ADAM10: variants seen among roughly 807,000 people sequenced by gnomAD.
ADAM10 encodes ADAM metallopeptidase domain 10.
ADAM10 carries 17 observed loss-of-function variants against 90.1 expected under a neutral mutation model. That is an observed-to-expected ratio of 0.19 (90% CI 0.13 to 0.28). The LOEUF is 0.28. Among genes scored for constraint, ADAM10 ranks in the 10% least tolerant of loss-of-function variants. The pLI is 1.00. For missense variants in ADAM10, 610 were observed against 914.3 expected, an observed-to-expected ratio of 0.67 and a Z score of 4.29; for synonymous variants, 310 against 298.6, an observed-to-expected ratio of 1.04 and a Z score of -0.40.
chr15:58,633,090 A>T, intron 9 of ADAM10, 106 bp downstream of exon 9: 2 of 1,103,954 alleles, frequency 1.8e-6, no homozygotes, highest in Non-Finnish European at 2.7e-6. Context: ...ATAAAAACTA[A>T]ACACTCGTAA....
At position 58,673,828 on chromosome 15, in the gene ADAM10, G is replaced by A. The variant is rs184426182; in HGVS notation, c.484+5296C>T. On this transcript the variant is annotated intron_variant, in intron 4 of 15. Transcript: ENST00000260408. ...CGGCTCACTGCAAGCTCCGACTCCC[G>A]GGTTCACGCCATTCTCCTGCCTCAG... 5.0e-3 allele frequency among the ~76,000 whole-genome samples: 752 copies of A among 151,698 alleles called. 6 individuals are homozygous for A. The highest frequency in any genetic ancestry group is 7.5e-3 in the Non-Finnish European group (511 of 67,932).
chr15:58,712,039 GCGAT>G (rs1239203001), intron 2 of ADAM10, among the ~76,000 whole-genome samples: 4 of 151,908 alleles, frequency 2.6e-5, no homozygotes, highest in Non-Finnish European at 4.4e-5. Flanking sequence ...AGCTATAAAA[GCGAT>G]CAATCTTGCA....
Position 58,589,877 on chromosome 15 carries a change from A to G in ADAM10, c.*7670T>C, listed in dbSNP as rs1291786560. 3 of 152,188 alleles carry G rather than the reference A, an allele frequency of 2.0e-5. No homozygotes were observed. The highest frequency in any genetic ancestry group is 4.4e-5 in the Non-Finnish European group (3 of 68,042). The allele number at this position is 152,188 out of a possible 1,614,324, so 9.4% of individuals were successfully genotyped here. ...TTCACAACTCCCAGATTGTTGGGCC[A>G]ATATCCTAAGGAGAATAACCAAGTA... On this transcript the variant is annotated 3_prime_UTR_variant, in exon 16 of 16. Coordinates refer to ENST00000260408, the MANE Select transcript of ADAM10 (RefSeq NM_001110.4).
At chr15:58,680,958 C>T (rs745318655) in intron 3 of ADAM10, among the ~76,000 whole-genome samples, 1 of 152,106 alleles carries the variant, frequency 6.6e-6, no homozygotes, top group Non-Finnish European at 1.5e-5. Context: ...ACTGAAACTA[C>T]AGGTGTGCCA....
At chr15:58,677,104 C>T (rs1292499058) in intron 4 of ADAM10, among the ~76,000 whole-genome samples, 1 of 152,140 alleles carries the variant, frequency 6.6e-6, no homozygotes, top group Non-Finnish European at 1.5e-5. Context: ...TAGTTTTTCA[C>T]AAGTAATTGT....
At chr15:58,656,683 A>AT (rs753497066) in intron 5 of ADAM10, among the ~76,000 whole-genome samples, 1 of 152,110 alleles carries the variant, frequency 6.6e-6, no homozygotes, top group South Asian at 2.1e-4. Context: ...CTGAAGAGTT[A>AT]TTTTTTATCA....
chr15:58,713,153 C>T (rs1299541498), intron 2 of ADAM10, among the ~76,000 whole-genome samples: 3 of 152,210 alleles, frequency 2.0e-5, no homozygotes, highest in South Asian at 2.1e-4. Flanking sequence ...CAAGCTGGAG[C>T]GCAGTGGCAC....
intron 1 of ADAM10, among the ~76,000 whole-genome samples, chr15:58,725,359 T>G (rs1898995220): frequency 6.8e-6 from 1 of 147,452 alleles, no homozygotes; most frequent in Non-Finnish European, 1.5e-5. Context: ...AGCAAGACCT[T>G]GTCTCTACCA....
At chr15:58,722,773 C>T (rs1898899629) in intron 1 of ADAM10, among the ~76,000 whole-genome samples, 2 of 144,180 alleles carry the variant, frequency 1.4e-5, no homozygotes, top group Admixed American at 1.4e-4. Context: ...ACTTTGTTGC[C>T]CAGGCTGGAG....
chr15:58,644,127 A>C (rs1318194544), intron 6 of ADAM10, 149 bp from the exon 7 acceptor site: 1 of 656,100 alleles, frequency 1.5e-6, no homozygotes, highest in Non-Finnish European at 2.7e-6. Flanking sequence ...AAATATAAAA[A>C]AGATTAGTGA....
intron 11 of ADAM10, among the ~76,000 whole-genome samples, 172 bp from the exon 12 acceptor site, chr15:58,612,163 C>T (rs1348558850): frequency 6.6e-6 from 1 of 152,074 alleles, no homozygotes; most frequent in African/African-American, 2.4e-5. Flanking sequence ...AAACTGAAAC[C>T]GCACACCGCC....
intron 1 of ADAM10, among the ~76,000 whole-genome samples, chr15:58,736,845 T>C (rs1168382224): frequency 6.6e-6 from 1 of 152,128 alleles, no homozygotes; most frequent in East Asian, 1.9e-4. Flanking sequence ...TATCAAATTT[T>C]ATGTAATCCT....
intron 8 of ADAM10, among the ~76,000 whole-genome samples, chr15:58,634,772 T>C (rs1325427578): frequency 6.6e-6 from 1 of 152,200 alleles, no homozygotes; most frequent in Non-Finnish European, 1.5e-5. Context: ...ATAACTGCTC[T>C]AATTAGCTTT....
At position 58,599,589 on chromosome 15, in the gene ADAM10, T is replaced by C; in HGVS notation, c.2152+9A>G. 1 of 1,613,018 alleles carries C rather than the reference T, an allele frequency of 6.2e-7. No individual in the cohort carries two copies. The highest frequency in any genetic ancestry group is 8.5e-7 in the Non-Finnish European group (1 of 1,179,236). On this transcript the variant is annotated intron_variant, in intron 15 of 15. Transcript: ENST00000260408. ...TACATAAATATGTATCTTGCTCAAA[T>C]ATTCTTACCTGGAAGTGGTTTAGGA...
In ADAM10 at chr15:58,695,779, A is replaced by C. The variant is rs151014729; in HGVS notation, c.207-13465T>G. 3.9e-5 allele frequency among the ~76,000 whole-genome samples: 6 copies of C among 152,260 alleles called. No homozygotes were observed. In the East Asian group the frequency reaches 1.2e-3, roughly 29 times the overall value. On this transcript the variant is annotated intron_variant, in intron 2 of 15. Transcript: ENST00000260408. ...GATAGATATTTGAGGTCAGGAGTTC[A>C]AGATCAGCCTGGCCAACGTGGTGAA...
chr15:58,605,317 A>G (rs1317745584), intron 14 of ADAM10, among the ~76,000 whole-genome samples: 1 of 152,208 alleles, frequency 6.6e-6, no homozygotes, highest in East Asian at 1.9e-4. Context: ...TTTAGTGCCA[A>G]TGATAGTAGC....
At chr15:58,749,358 T>C in intron 1 of ADAM10, 122 bp downstream of exon 1, 1 of 1,181,692 alleles carries the variant, frequency 8.5e-7, no homozygotes, top group Non-Finnish European at 1.1e-6. Flanking sequence ...CCCGCCAGAG[T>C]GGCGCCGCTG....
At chr15:58,654,047 TTGTGA>T (rs1196829361) in intron 5 of ADAM10, among the ~76,000 whole-genome samples, 1 of 152,164 alleles carries the variant, frequency 6.6e-6, no homozygotes, top group Non-Finnish European at 1.5e-5. Context: ...TCTATACCAC[TTGTGA>T]TGTCTCCTTT....
At chr15:58,618,463 T>C (rs1417002712) in intron 11 of ADAM10, among the ~76,000 whole-genome samples, 1 of 152,176 alleles carries the variant, frequency 6.6e-6, no homozygotes, top group Non-Finnish European at 1.5e-5. Context: ...TGAGCCAAGA[T>C]TTTTGAGTAA....
Sources: allele counts gnomAD v4.1 joint callset (sites outside exome capture counted in the v4.1 genomes callset), GRCh38; gene constraint gnomAD v4.1.1; transcripts MANE v1.5; gene names NCBI Gene and HGNC (gene_info 2026-07-23, HGNC 2026-07-21).